Variants in NTM observed in about 807,000 individuals in gnomAD.
NTM encodes the protein IgLON family member 2.
In NTM, 13 loss-of-function variants were observed where a neutral mutation model predicts 42.1. The ratio of observed to expected loss-of-function variants is 0.31; its 90% confidence interval spans 0.20 to 0.49. NTM has a LOEUF of 0.49. Ranked by LOEUF, NTM falls within the 20% of genes least tolerant of loss-of-function variation. The pLI is 0.99. For missense variants in NTM, 373 were observed against 452.8 expected, an observed-to-expected ratio of 0.82 and a Z score of 1.60; for synonymous variants, 187 against 179.2, an observed-to-expected ratio of 1.04 and a Z score of -0.35.
chr11:132,215,457 T>A (rs1186020303), intron 4 of NTM, among the ~76,000 whole-genome samples: 4 of 152,300 alleles, frequency 2.6e-5, no homozygotes, highest in Non-Finnish European at 4.4e-5. Context: ...CTACCTTGTG[T>A]GGAAAGGAGT....
intron 2 of NTM, among the ~76,000 whole-genome samples, chr11:131,922,808 T>G (rs924758815): frequency 5.8e-4 from 88 of 152,298 alleles, no homozygotes; most frequent in Admixed American, 5.7e-3. Flanking sequence ...CTGGCTAAAC[T>G]TAGAATGAAA....
intron 1 of NTM, among the ~76,000 whole-genome samples, chr11:131,377,247 T>G (rs1942092216): frequency 6.6e-6 from 1 of 152,156 alleles, no homozygotes; most frequent in Non-Finnish European, 1.5e-5. Context: ...AAGGAGCTCA[T>G]GGATGCCTTT....
At chr11:131,976,348 G>T (rs1315200814) in intron 2 of NTM, among the ~76,000 whole-genome samples, 1 of 152,150 alleles carries the variant, frequency 6.6e-6, no homozygotes, top group African/African-American at 2.4e-5. Context: ...TTGGCCACCA[G>T]TTGGCCAGGT....
In NTM at chr11:131,911,397, T is replaced by G. The variant is rs1041909628; in HGVS notation, c.83-167T>G. 1.3e-4 allele frequency: 207 copies of G among 1,594,380 alleles called. 1 individual carries two copies. The highest frequency in any genetic ancestry group is 1.6e-4 in the Non-Finnish European group (191 of 1,167,746). ...TTCACCGCTCAGTCCCCGCGCTCGC[T>G]CCGCACCCCACCCACTTCCTGTGCT... On this transcript the variant is annotated intron_variant, in intron 1 of 8. Transcript: ENST00000683400.
chr11:132,150,810 G>A (rs192834644), intron 3 of NTM, among the ~76,000 whole-genome samples: 21 of 152,264 alleles, frequency 1.4e-4, no homozygotes, highest in Admixed American at 1.1e-3. Flanking sequence ...TTCTACCTGT[G>A]AGCTCAGGGG....
intron 1 of NTM, among the ~76,000 whole-genome samples, chr11:131,411,227 C>T (rs182627726): frequency 9.9e-5 from 15 of 152,246 alleles, no homozygotes; most frequent in Middle Eastern, 6.8e-3. Flanking sequence ...ATGTGCATCA[C>T]TTATAACGTG....
chr11:131,682,913 G>A (rs2073214870), intron 1 of NTM, among the ~76,000 whole-genome samples: 1 of 152,044 alleles, frequency 6.6e-6, no homozygotes. Flanking sequence ...CTACCAGCCG[G>A]GACTGAGATG....
In NTM at chr11:131,469,338, T is replaced by C. The variant is rs531991067; in HGVS notation, c.82+98450T>C. Among the ~76,000 whole-genome samples, 42 of 152,376 alleles carry C rather than the reference T, an allele frequency of 2.8e-4. No individual in the cohort carries two copies. The South Asian group carries it at 7.9e-3, about 29-fold the overall frequency. On this transcript the variant is annotated intron_variant, in intron 1 of 8. Coordinates refer to ENST00000683400, the MANE Select transcript of NTM (RefSeq NM_001352005.2). ...CTTAATTCTCAGGATACATATATTA[T>C]CTCATTTTATTCTTATATCTTCCTC...
At chr11:132,289,221 T>C (rs953051541) in intron 4 of NTM, among the ~76,000 whole-genome samples, 2 of 152,230 alleles carry the variant, frequency 1.3e-5, no homozygotes, top group Non-Finnish European at 2.9e-5. Flanking sequence ...TTCCCCTTGC[T>C]CTTTGTAGGA....
rs529766930 is a variant in NTM at position 131,896,221 on chromosome 11, C to T, written c.83-15343C>T. On this transcript the variant is annotated intron_variant, in intron 1 of 8. Coordinates refer to ENST00000683400, the MANE Select transcript of NTM (RefSeq NM_001352005.2). The stretch of plus-strand genomic sequence containing the variant: ...CATTGAAAATATTTTATAATACCCT[C>T]ATTACTGTGCAGAAAATAAGTTCAC... Among the ~76,000 whole-genome samples the T allele has an allele frequency of 2.0e-5, 3 of 152,310 alleles. No individual in the cohort carries two copies. The East Asian group carries it at 5.8e-4, about 29-fold the overall frequency.
At chr11:132,160,577 C>T (rs1168813422) in intron 3 of NTM, among the ~76,000 whole-genome samples, 1 of 152,138 alleles carries the variant, frequency 6.6e-6, no homozygotes, top group Non-Finnish European at 1.5e-5. Context: ...GCACGAATGC[C>T]CTAGTTACCC....
chr11:131,605,922 T>C, intron 1 of NTM: 1 of 964,724 alleles, frequency 1.0e-6, no homozygotes, highest in Non-Finnish European at 1.2e-6. Flanking sequence ...GCTTTCTCTT[T>C]TATGTTACTT....
At chr11:132,034,183 A>G (rs904349462) in intron 2 of NTM, among the ~76,000 whole-genome samples, 7 of 152,280 alleles carry the variant, frequency 4.6e-5, no homozygotes, top group East Asian at 1.9e-4. Context: ...GACCTTGCAA[A>G]TGCTTCAAGG....
intron 4 of NTM, among the ~76,000 whole-genome samples, chr11:132,215,251 A>C (rs1001927449): frequency 6.6e-6 from 1 of 152,218 alleles, no homozygotes; most frequent in South Asian, 2.1e-4. Context: ...GAACCTGCCA[A>C]ATCCCTGGAT....
chr11:132,074,209 A>C (rs1274744857), intron 2 of NTM, among the ~76,000 whole-genome samples: 2 of 152,226 alleles, frequency 1.3e-5, no homozygotes, highest in African/African-American at 4.8e-5. Flanking sequence ...GATGGCAAGG[A>C]AACTCTTGAC....
intron 1 of NTM, among the ~76,000 whole-genome samples, chr11:131,552,668 AT>A (rs981145659): frequency 1.5e-4 from 23 of 152,088 alleles, no homozygotes; most frequent in African/African-American, 5.5e-4. Flanking sequence ...AATACAAAAA[AT>A]TAGCCGGGCA....
chr11:131,429,970 A>G (rs1948516952), intron 1 of NTM, among the ~76,000 whole-genome samples: 1 of 152,198 alleles, frequency 6.6e-6, no homozygotes, highest in Non-Finnish European at 1.5e-5. Flanking sequence ...CAGGAACTGT[A>G]TCTTGTTCAG....
intron 1 of NTM, among the ~76,000 whole-genome samples, chr11:131,808,552 G>A (rs1431881537): frequency 1.3e-5 from 2 of 152,216 alleles, no homozygotes; most frequent in Admixed American, 6.5e-5. Flanking sequence ...TGCTCTCATA[G>A]AGATATGTAC....
chr11:131,841,419 C>A (rs559014190), intron 1 of NTM, among the ~76,000 whole-genome samples: 1 of 152,290 alleles, frequency 6.6e-6, no homozygotes, highest in South Asian at 2.1e-4. Flanking sequence ...CAAATAAGAT[C>A]ATTTTTGCAC....
Sources: gnomAD v4.1 joint callset for allele counts (sites outside exome capture counted in the v4.1 genomes callset) on GRCh38, gnomAD v4.1.1 for gene constraint, MANE v1.5 for transcripts, NCBI Gene and HGNC (gene_info 2026-07-23, HGNC 2026-07-21) for gene names.